The following ERBIN variants were observed in gnomAD, a reference collection of about 807,000 sequenced individuals.
ERBIN encodes the protein densin-180-like protein.
A neutral mutation model predicts 158.4 loss-of-function variants in ERBIN; 60 were observed. The ratio of observed to expected loss-of-function variants is 0.38; its 90% confidence interval spans 0.31 to 0.47. ERBIN has a LOEUF of 0.47. Ranked by LOEUF, ERBIN falls within the 20% of genes least tolerant of loss-of-function variation. ERBIN has a pLI of 0.99. For synonymous variants in ERBIN, 594 were observed against 557.2 expected (o/e 1.07, Z -0.93); for missense variants, 1,610 against 1,648.0 (o/e 0.98, Z 0.40).
intron 7 of ERBIN, among the ~76,000 whole-genome samples, chr5:66,020,051 A>G (rs1755525051): frequency 6.6e-6 from 1 of 152,114 alleles, no homozygotes; most frequent in South Asian, 2.1e-4. Context: ...CTAGAACTTA[A>G]AGGTTTTCTG....
intron 21 of ERBIN, among the ~76,000 whole-genome samples, chr5:66,060,546 C>T (rs1481784229): frequency 6.6e-6 from 1 of 152,156 alleles, no homozygotes; most frequent in Non-Finnish European, 1.5e-5. Flanking sequence ...TCCTTCAGTT[C>T]TGCTCTGATC....
At chr5:65,993,898 T>C (rs920902202) in intron 3 of ERBIN, among the ~76,000 whole-genome samples, 1 of 152,206 alleles carries the variant, frequency 6.6e-6, no homozygotes, top group Non-Finnish European at 1.5e-5. Context: ...GGACATCTTA[T>C]ACCTACTCCT....
intron 1 of ERBIN, among the ~76,000 whole-genome samples, chr5:65,979,956 G>A (rs1191582005): frequency 1.3e-5 from 2 of 152,134 alleles, no homozygotes; most frequent in Non-Finnish European, 2.9e-5. Flanking sequence ...TATGTGAAAT[G>A]GTGTAATATC....
Position 66,053,987 on chromosome 5 carries a change from A to C in ERBIN, c.2669A>C (p.Asn890Thr), listed in dbSNP as rs137884324. 94 of 1,614,174 alleles carry C rather than the reference A, an allele frequency of 5.8e-5. No homozygotes were observed. The African/African-American group carries it at 1.2e-3, about 21-fold the overall frequency. Residue 890 changes from asparagine (N) to threonine (T), a missense_variant, in exon 21 of 26, where the codon AAT becomes ACT. Physicochemically the swap from Asn to Thr is moderately conservative, Grantham distance 65 (BLOSUM62 0). Coordinates refer to ENST00000284037, the MANE Select transcript of ERBIN (RefSeq NM_001253697.2). ...AAAATCTATGATATTCTTAGTGATAATGGACCTCAGCAGCCAAGTACAACC... is the reference window on the plus strand; with the variant it reads ...AAAATCTATGATATTCTTAGTGATACTGGACCTCAGCAGCCAAGTACAACC... ...GLKIYDILSD[N>T]GPQQPSTTVK...
chr5:66,074,905 G>C, intron 22 of ERBIN, 119 bp from the exon 23 acceptor site: 1 of 810,084 alleles, frequency 1.2e-6, no homozygotes, highest in South Asian at 1.9e-5. Flanking sequence ...GCATGGTATT[G>C]TTTGACTTAA....
At chr5:66,017,065 A>G (rs1390984926) in intron 7 of ERBIN, among the ~76,000 whole-genome samples, 1 of 152,058 alleles carries the variant, frequency 6.6e-6, no homozygotes, top group Non-Finnish European at 1.5e-5. Context: ...TCCATTGTGT[A>G]TATGTACCAT....
At chr5:66,047,783 T>C (rs919903059) in intron 18 of ERBIN, among the ~76,000 whole-genome samples, 11 of 152,054 alleles carry the variant, frequency 7.2e-5, no homozygotes, top group Admixed American at 2.0e-4. Flanking sequence ...GCACTGAAGC[T>C]AATGTCACAG....
intron 14 of ERBIN, among the ~76,000 whole-genome samples, chr5:66,033,029 G>A (rs569732346): frequency 7.2e-5 from 11 of 152,274 alleles, no homozygotes; most frequent in Admixed American, 2.6e-4. Context: ...CATAGAACAC[G>A]CTGGTGACCA....
chr5:65,995,840 A>C (rs1201637229), intron 4 of ERBIN, among the ~76,000 whole-genome samples: 1 of 152,080 alleles, frequency 6.6e-6, no homozygotes, highest in Non-Finnish European at 1.5e-5. Flanking sequence ...TGTAGATTTA[A>C]TTTGCATTTC....
At position 66,054,929 on chromosome 5, in the gene ERBIN, T is replaced by C. The variant is rs755735191; in HGVS notation, c.3611T>C (p.Ile1204Thr). The change falls in exon 21 of 26, where the codon ATT becomes ACT. Residue 1204 changes from isoleucine to threonine, a missense_variant. Coordinates refer to ENST00000284037, the MANE Select transcript of ERBIN (RefSeq NM_001253697.2). ...RDWREQVLRH[I>T]EAKKLEKKHP... ...TGGAGAGAACAAGTACTTCGACATA[T>C]TGAAGCCAAAAAGTTAGAAAAGGTA... The C allele has an allele frequency of 2.5e-6, 4 of 1,580,542 alleles. No homozygotes were observed. The highest frequency in any genetic ancestry group is 2.7e-5 in the African/African-American group (2 of 73,364).
At chr5:65,943,444 T>G (rs756929704) in intron 1 of ERBIN, among the ~76,000 whole-genome samples, 8 of 152,240 alleles carry the variant, frequency 5.3e-5, no homozygotes, top group Non-Finnish European at 8.8e-5. Flanking sequence ...GTAATCCATG[T>G]TCACAATTTC....
At chr5:66,002,763 A>G (rs1341442043) in intron 4 of ERBIN, among the ~76,000 whole-genome samples, 1 of 152,246 alleles carries the variant, frequency 6.6e-6, no homozygotes, top group Non-Finnish European at 1.5e-5. Flanking sequence ...AAGAAGTTAA[A>G]TTGATTAAGA....
intron 14 of ERBIN, among the ~76,000 whole-genome samples, chr5:66,028,848 A>G (rs1197764526): frequency 2.0e-5 from 3 of 152,178 alleles, no homozygotes; most frequent in African/African-American, 2.4e-5. Flanking sequence ...CTTAGTTTCT[A>G]TGAGTTTATC....
intron 4 of ERBIN, among the ~76,000 whole-genome samples, chr5:65,998,654 T>C (rs1163395168): frequency 6.6e-6 from 1 of 152,124 alleles, no homozygotes; most frequent in East Asian, 1.9e-4. Flanking sequence ...CCCAGCACTT[T>C]GGGAGGTCGA....
chr5:66,064,055 C>T (rs567477916), intron 21 of ERBIN, among the ~76,000 whole-genome samples: 46 of 152,038 alleles, frequency 3.0e-4, no homozygotes, highest in Admixed American at 8.5e-4. Context: ...AATTATCTGT[C>T]GGTGAGATTT....
intron 1 of ERBIN, among the ~76,000 whole-genome samples, chr5:65,983,915 A>G (rs1437199770): frequency 1.3e-5 from 2 of 152,184 alleles, no homozygotes; most frequent in African/African-American, 4.8e-5. Flanking sequence ...TCAAGCTCCC[A>G]GGGCAGCACA....
At chr5:66,043,258 TTATA>T (rs1236279613) in intron 16 of ERBIN, 60 bp downstream of exon 16, 2 of 1,515,426 alleles carry the variant, frequency 1.3e-6, no homozygotes, top group African/African-American at 2.8e-5. Flanking sequence ...TAAGTTGGTA[TTATA>T]TATACTATGA....
At chr5:66,025,290 T>G (rs1332468939) in intron 10 of ERBIN, 190 bp from the exon 11 acceptor site, 2 of 600,578 alleles carry the variant, frequency 3.3e-6, no homozygotes, top group Non-Finnish European at 5.9e-6. Context: ...TAAATAGTGA[T>G]GTGGATGAAG....
chr5:66,048,775 A>G lies in ERBIN; in HGVS notation c.1897A>G (p.Lys633Glu). 2 of 1,577,056 alleles carry G rather than the reference A, an allele frequency of 1.3e-6. No homozygotes were observed. Among genetic ancestry groups the G allele is most frequent in the Non-Finnish European group, 1.7e-6 (2 of 1,161,146 alleles). ...AAAAGTCGTAGCACTTAGTAATAAC[A>G]AAAAAGGTTAGATGTTAAAGGAAAG... ...QPKVVALSNN[K>E]KDDTKETDSL... is the part of the protein sequence containing the mutation. Residue 633 changes from lysine (K) to glutamate (E), a missense_variant, in exon 19 of 26, where the codon AAA becomes GAA. Transcript: ENST00000284037.
Sources: allele counts gnomAD v4.1 joint callset (sites outside exome capture counted in the v4.1 genomes callset), GRCh38; gene constraint gnomAD v4.1.1; transcripts MANE v1.5; gene names NCBI Gene and HGNC (gene_info 2026-07-23, HGNC 2026-07-21).